FLII: variants seen among roughly 807,000 people sequenced by gnomAD.
FLII encodes the protein protein flightless-1 homolog.
FLII carries 101 observed loss-of-function variants against 156.2 expected under a neutral mutation model. That is an observed-to-expected ratio of 0.65 (90% CI 0.55 to 0.76). The LOEUF (loss-of-function observed/expected upper bound fraction) is 0.76, where lower values mean the gene tolerates loss of function less well. Among genes scored for constraint, FLII ranks in the 30% least tolerant of loss-of-function variants. The probability of loss-of-function intolerance (pLI) is 0.00; values close to 1 mark genes in which losing one functional copy is unlikely to be tolerated. For synonymous variants in FLII, 767 were observed against 685.8 expected, an observed-to-expected ratio of 1.12 and a Z score of -1.85; for missense variants, 1,675 against 1,682.8, an observed-to-expected ratio of 1.00 and a Z score of 0.08.
chr17:18,245,173 G>T lies in FLII; in HGVS notation c.3775C>A (p.His1259Asn). 1 of 1,613,774 alleles carries T rather than the reference G, an allele frequency of 6.2e-7. No homozygotes were observed. The highest frequency in any genetic ancestry group is 8.5e-7 in the Non-Finnish European group (1 of 1,179,920). Residue 1259 changes from histidine to asparagine, a missense_variant, in exon 30 of 30, where the codon CAC (histidine) becomes AAC (asparagine). Transcript: ENST00000327031. ...NEQHAFTRCF[H>N]AWSAFCKALA ...GCCTTGCAGAAGGCGCTCCAGGCGT[G>T]GAAGCAGCGGGTAAAGGCGTGCTGC...
chr17:18,244,911 T>G lies in FLII; in HGVS notation c.*227A>C. On this transcript the variant is annotated 3_prime_UTR_variant, in exon 30 of 30. Coordinates refer to ENST00000327031, the MANE Select transcript of FLII (RefSeq NM_002018.4). ...ATCTGCTTTATCCCTAGCGGAAGAG[T>G]GAGGGGGCTTCACACGTGCACTCAC... 1.8e-6 allele frequency: 1 copy of G among 546,138 alleles called. No homozygotes were observed. The highest frequency in any genetic ancestry group is 2.8e-5 in the East Asian group (1 of 35,676). 33.8% of individuals were successfully genotyped at this position (546,138 alleles called of 1,614,324 possible).
chr17:18,253,858 T>A, intron 7 of FLII, 139 bp from the exon 8 acceptor site: 1 of 944,124 alleles, frequency 1.1e-6, no homozygotes, highest in Non-Finnish European at 1.5e-6. Flanking sequence ...CCCAAGTTTC[T>A]CCATTTGGAC....
Position 18,246,756 on chromosome 17 carries a change from T to G in FLII, c.2889A>C (p.Glu963Asp). ...EDKEEKAEGK[E>D]GEEATAEAEE... ...CTGCCTCAGCGGTTGCTTCCTCGCC[T>G]TCTTTGCCCTCGGCCTTCTCCTCCT... Residue 963 changes from glutamate to aspartate, a missense_variant, in exon 23 of 30, where the codon GAA becomes GAC. Physicochemically the swap from Glu to Asp is conservative, Grantham distance 45. Transcript: ENST00000327031. 4 of 1,613,954 alleles carry G rather than the reference T, an allele frequency of 2.5e-6. No homozygotes were observed. Among genetic ancestry groups the G allele is most frequent in the East Asian group, 2.2e-5 (1 of 44,860 alleles).
At position 18,258,497 on chromosome 17, in the gene FLII, C is replaced by T. The variant is rs1304460464; in HGVS notation, c.63+131G>A. On this transcript the variant is annotated intron_variant, in intron 1 of 29. Coordinates refer to ENST00000327031, the MANE Select transcript of FLII (RefSeq NM_002018.4). This position sits in a 1 kb window ranked among gnomAD's most constrained non-coding sequence, Gnocchi z 4.2. Reference sequence around the variant, plus strand: ...TCCATTCCTGGCCAGGGGAGAGCCCCACCCCGCCCCGGCCGCAGTCCCTGG... The same window carrying T: ...TCCATTCCTGGCCAGGGGAGAGCCCTACCCCGCCCCGGCCGCAGTCCCTGG... 8 of 1,504,898 alleles carry T rather than the reference C, an allele frequency of 5.3e-6. No homozygotes were observed. The highest frequency in any genetic ancestry group is 2.7e-5 in the East Asian group (1 of 36,894). The allele number at this position is 1,504,898 out of a possible 1,614,324, so 93.2% of individuals were successfully genotyped here. A position where few individuals can be genotyped will look rare whatever the true frequency, so the allele number is the denominator to read the frequency against.
intron 8 of FLII, 30 bp from the exon 9 acceptor site, chr17:18,253,488 TCAG>T (rs1338463273): frequency 6.2e-7 from 1 of 1,613,176 alleles, no homozygotes; most frequent in Non-Finnish European, 8.5e-7. Context: ...GGGTGGGAGG[TCAG>T]GGCCAGGCTC....
In FLII at chr17:18,254,644, G is replaced by C; in HGVS notation, c.452C>G (p.Thr151Ser). 1 of 1,614,064 alleles carries C rather than the reference G, an allele frequency of 6.2e-7. No individual in the cohort carries two copies. Residue 151 changes from threonine to serine, a missense_variant, in exon 6 of 30, where the codon ACT becomes AGT. Thr to Ser is a moderately conservative substitution (Grantham distance 58). Transcript: ENST00000327031. ...GCTGAGGTCCAGGTATAGTAGGTCA[G>C]TGAGGTTGATGAAGAGCTGGTTGGG... ...TIPNQLFINL[T>S]DLLYLDLSEN...
intron 16 of FLII, 81 bp from the exon 17 acceptor site, chr17:18,248,964 A>C: frequency 6.9e-7 from 1 of 1,443,434 alleles, no homozygotes; most frequent in Non-Finnish European, 9.7e-7. Flanking sequence ...ACCAAAAAAA[A>C]TCCCTCACTA....
chr17:18,246,156 C>T lies in FLII; in HGVS notation c.3267+6G>A. On this transcript the variant is annotated splice_donor_region_variant and intron_variant, in intron 25 of 29. Coordinates refer to ENST00000327031, the MANE Select transcript of FLII (RefSeq NM_002018.4). ...ACGGAGTCCTGGCTCACACCCACAA[C>T]CCCACCTTGAGGATGAAGCAGAACT... 6.2e-7 allele frequency: 1 copy of T among 1,614,168 alleles called. No individual in the cohort carries two copies. The highest frequency in any genetic ancestry group is 2.2e-5 in the East Asian group (1 of 44,876).
Position 18,246,213 on chromosome 17 carries a change from C to G in FLII, c.3216G>C (p.Gln1072His). Residue 1072 changes from glutamine (Q) to histidine (H), a missense_variant, in exon 25 of 30, where the codon CAG (glutamine) becomes CAC (histidine). Gln to His is a conservative substitution (Grantham distance 24). This residue lies in a region of FLII where 1,332 missense variants were observed against 1,269.3 expected (regional missense o/e 1.05). Transcript: ENST00000327031. The stretch of plus-strand genomic sequence containing the variant: ...TGAGGAGGCTGGAGTCGGTGTTGAT[C>G]TGGATGCACCTGTGGAAGGGATGGG... ...NGSALCTRCI[Q>H]INTDSSLLNS... The G allele has an allele frequency of 2.5e-6, 4 of 1,614,156 alleles. No homozygotes were observed. The highest frequency in any genetic ancestry group is 3.4e-6 in the Non-Finnish European group (4 of 1,180,034).
At chr17:18,249,304 C>T in intron 15 of FLII, 22 bp downstream of exon 15, 1 of 1,613,168 alleles carries the variant, frequency 6.2e-7, no homozygotes, top group South Asian at 1.1e-5. Context: ...GTCCATACCC[C>T]CCACTGCCCA....
chr17:18,255,021 G>A (rs2048374781), intron 4 of FLII, among the ~76,000 whole-genome samples, 162 bp downstream of exon 4: 1 of 152,168 alleles, frequency 6.6e-6, no homozygotes, highest in South Asian at 2.1e-4. Context: ...CCTGTGTTAG[G>A]GATCTGACTC....
Position 18,253,588 on chromosome 17 carries a change from C to A in FLII, c.811G>T (p.Val271Leu). Residue 271 changes from valine (V) to leucine (L), a missense_variant, in exon 8 of 30, where the codon GTG (valine) becomes TTG (leucine). Physicochemically the swap from Val to Leu is conservative, Grantham distance 32. Around this residue, in one of 2 missense-constraint regions of FLII, gnomAD observed 343 missense variants for 413.5 expected, o/e 0.83. Coordinates refer to ENST00000327031, the MANE Select transcript of FLII (RefSeq NM_002018.4). The stretch of plus-strand genomic sequence containing the variant: ...TTTCGGGACAGGTTCAGAGTTTCCA[C>A]GTGCACCCACTGGTCTATGCACAGG... The part of the protein sequence containing the change: ...LSLCIDQWVH[V>L]ETLNLSRNQL... The A allele has an allele frequency of 6.2e-7, 1 of 1,613,790 alleles. No homozygotes were observed. Among genetic ancestry groups the A allele is most frequent in the Non-Finnish European group, 8.5e-7 (1 of 1,179,766 alleles).
chr17:18,250,914 T>C lies in FLII; in HGVS notation c.1700A>G (p.Asn567Ser). ...KKACSAIHAV[N>S]LRNYLGAECR... ...CTCAGCACCCAGGTAGTTGCGCAAG[T>C]TGACAGCGTGGATGGCAGAGCAAGC... Residue 567 changes from asparagine to serine, a missense_variant, in exon 14 of 30, where the codon AAC becomes AGC. By Grantham distance (46) the Asn-to-Ser change is conservative. Around this residue, in one of 2 missense-constraint regions of FLII, gnomAD observed 1,332 missense variants for 1,269.3 expected, o/e 1.05. Coordinates refer to ENST00000327031, the MANE Select transcript of FLII (RefSeq NM_002018.4). The C allele has an allele frequency of 6.2e-7, 1 of 1,614,050 alleles. No homozygotes were observed. Among genetic ancestry groups the C allele is most frequent in the Non-Finnish European group, 8.5e-7 (1 of 1,179,998 alleles).
Position 18,254,139 on chromosome 17 carries a change from T to C in FLII, c.619A>G (p.Ser207Gly). ...MTALQTLHLR[S>G]TQRTQSNLPT... ...AGGTTGCTCTGGGTGCGCTGGGTGC[T>C]CCGCAGGTGCAGGGTCTGCAGGGCC... is the stretch of plus-strand genomic sequence containing the variant. The change falls in exon 7 of 30, where the codon AGC (serine) becomes GGC (glycine). Residue 207 changes from serine to glycine, a missense_variant. Ser to Gly is a moderately conservative substitution (Grantham distance 56). This residue lies in a region of FLII where 343 missense variants were observed against 413.5 expected (regional missense o/e 0.83). Transcript: ENST00000327031. The C allele has an allele frequency of 6.2e-7, 1 of 1,611,424 alleles. No individual in the cohort carries two copies. Among genetic ancestry groups the C allele is most frequent in the Admixed American group, 1.7e-5 (1 of 59,848 alleles).
chr17:18,247,370 C>T lies in FLII; in HGVS notation c.2488-13G>A. 1 of 1,592,126 alleles carries T rather than the reference C, an allele frequency of 6.3e-7. No individual in the cohort carries two copies. Among genetic ancestry groups the T allele is most frequent in the Non-Finnish European group, 8.5e-7 (1 of 1,169,794 alleles). ...TGGCCTTGAACACCTGCCAGGGAGGCCATCAACTAACCATGAGGGGTGCGG... is the reference window on the plus strand; with the variant it reads ...TGGCCTTGAACACCTGCCAGGGAGGTCATCAACTAACCATGAGGGGTGCGG... On this transcript the variant is annotated splice_polypyrimidine_tract_variant and intron_variant, in intron 20 of 29. Transcript: ENST00000327031.
Position 18,251,267 on chromosome 17 carries a change from T to C in FLII, c.1594A>G (p.Lys532Glu). 1.2e-6 allele frequency: 2 copies of C among 1,613,710 alleles called. No homozygotes were observed. The highest frequency in any genetic ancestry group is 1.7e-6 in the Non-Finnish European group (2 of 1,179,806). Residue 532 changes from lysine to glutamate, a missense_variant and splice_region_variant, in exon 13 of 30, where the codon AAG becomes GAG. Coordinates refer to ENST00000327031, the MANE Select transcript of FLII (RefSeq NM_002018.4). The stretch of plus-strand genomic sequence containing the variant: ...CTAACAGCATGCCCAGCCCTCACCT[T>C]GAGCACAATGTAGCAGTCAGCCTCG... ...FYEADCYIVL[K>E]TFLDDSGSLN...
At chr17:18,254,715 G>C in intron 5 of FLII, 33 bp from the exon 6 acceptor site, 1 of 1,613,862 alleles carries the variant, frequency 6.2e-7, no homozygotes, top group South Asian at 1.1e-5. Context: ...ACCTGAGTCA[G>C]CACCAGCCAC....
chr17:18,247,038 C>T lies in FLII; in HGVS notation c.2691G>A (p.Met897Ile). ...PMSLAEAEQL[M>I]EEWNEDLDGM... ...CGTCTAGGTCTTCGTTCCACTCCTC[C>T]ATCAGCTGCTCCGCCTGCAGGTGAG... The change falls in exon 22 of 30, where the codon ATG (methionine) becomes ATA (isoleucine). Residue 897 changes from methionine to isoleucine, a missense_variant. This residue lies in a region of FLII where 1,332 missense variants were observed against 1,269.3 expected (regional missense o/e 1.05). Coordinates refer to ENST00000327031, the MANE Select transcript of FLII (RefSeq NM_002018.4). 1.2e-6 allele frequency: 2 copies of T among 1,613,516 alleles called. No individual in the cohort carries two copies. The highest frequency in any genetic ancestry group is 1.7e-6 in the Non-Finnish European group (2 of 1,180,016).
chr17:18,248,319 A>C (rs2048152870), intron 18 of FLII, among the ~76,000 whole-genome samples: 3 of 152,142 alleles, frequency 2.0e-5, no homozygotes, highest in South Asian at 2.1e-4. Context: ...CCCTGGCACT[A>C]GGTGCTTCTG....
Sources: allele counts gnomAD v4.1 joint callset (sites outside exome capture counted in the v4.1 genomes callset), GRCh38; gene constraint gnomAD v4.1.1; regional missense constraint gnomAD v4.1.1; non-coding constraint Gnocchi (gnomAD v3.1); transcripts MANE v1.5; gene names NCBI Gene and HGNC (gene_info 2026-07-23, HGNC 2026-07-21).